UBE2W: variants seen among roughly 807,000 people sequenced by gnomAD.
UBE2W encodes the protein ubiquitin conjugating enzyme E2 W.
Under a neutral mutation model 27.2 loss-of-function variants are expected in UBE2W, and 18 were observed. The observed-to-expected ratio is 0.66, with a 90% CI of 0.46 to 0.98. The LOEUF (loss-of-function observed/expected upper bound fraction) is 0.98, where lower values mean the gene tolerates loss of function less well. Ranked by LOEUF, UBE2W falls within the 50% of genes least tolerant of loss-of-function variation. The pLI, the probability that UBE2W is intolerant of heterozygous loss-of-function variation, is 0.00. For synonymous variants in UBE2W, 53 were observed against 57.2 expected (o/e 0.93, Z 0.33); for missense variants, 90 against 180.2 (o/e 0.50, Z 2.87).
chr8:73,780,550 T>G (rs1445173335), intron 4 of UBE2W: 2 of 449,866 alleles, frequency 4.4e-6, no homozygotes, highest in African/African-American at 2.0e-5. Context: ...TATTTATTTT[T>G]TGAGACAGTA....
At chr8:73,840,652 C>T (rs1361618682) in intron 1 of UBE2W, among the ~76,000 whole-genome samples, 1 of 152,118 alleles carries the variant, frequency 6.6e-6, no homozygotes, top group Non-Finnish European at 1.5e-5. Flanking sequence ...CTTCTGTATC[C>T]TCAGGAGCTT....
At chr8:73,785,825 C>G (rs556188238), downstream of UBE2W, among the ~76,000 whole-genome samples, 5 of 152,294 alleles carry the variant, frequency 3.3e-5, no homozygotes, top group South Asian at 1.0e-3. Flanking sequence ...ACGTGATCCA[C>G]CTGCCCAAAG....
In UBE2W at chr8:73,789,790, A is replaced by G. The variant is rs1226616113; in HGVS notation, c.*4312T>C. ...GAGGTGGAGATTGAAATGAGCCAAG[A>G]TCGTGCACTGCACTAAAGCCCGGGT... On this transcript the variant is annotated 3_prime_UTR_variant, in exon 6 of 6. Transcript: ENST00000602593. 1.9e-6 allele frequency: 1 copy of G among 524,438 alleles called. No individual in the cohort carries two copies. The highest frequency in any genetic ancestry group is 2.4e-6 in the Non-Finnish European group (1 of 409,070). The allele number at this position is 524,438 out of a possible 1,614,324, so 32.5% of individuals were successfully genotyped here.
chr8:73,805,472 C>CAAAACAAAAAAAAAAAAAAAAAAAAA (rs1554579998), intron 5 of UBE2W, among the ~76,000 whole-genome samples, 179 bp downstream of exon 5: 3 of 43,676 alleles, frequency 6.9e-5, no homozygotes, highest in Non-Finnish European at 9.9e-5. Context: ...AAAAAAAAAA[C>CAAAACAAAAAAAAAAAAAAAAAAAAA]AAAAAAAACT....
intron 5 of UBE2W, chr8:73,795,893 G>T: frequency 2.6e-6 from 1 of 385,998 alleles, no homozygotes; most frequent in Non-Finnish European, 3.5e-6. Flanking sequence ...ACCAGCCTAG[G>T]CAATACGGCA....
At chr8:73,863,578 T>TTA (rs1422657253) in intron 1 of UBE2W, among the ~76,000 whole-genome samples, 7 of 104,086 alleles carry the variant, frequency 6.7e-5, no homozygotes, top group African/African-American at 2.1e-4. Context: ...TAAAGTATAA[T>TTA]AAAAAAAAAA....
intron 4 of UBE2W, 51 bp from the exon 5 acceptor site, chr8:73,805,777 G>A: frequency 9.2e-7 from 1 of 1,085,880 alleles, no homozygotes; most frequent in Non-Finnish European, 1.3e-6. Flanking sequence ...AACTGAGAGG[G>A]TGACAGTTTT....
rs1808058511 is a variant in UBE2W at position 73,788,523 on chromosome 8, C to T, written c.*5579G>A. The T allele has an allele frequency of 2.0e-6, 2 of 985,266 alleles. No homozygotes were observed. The highest frequency in any genetic ancestry group is 2.4e-6 in the Non-Finnish European group (2 of 829,938). 61.0% of individuals were successfully genotyped at this position (985,266 alleles called of 1,614,324 possible). ...GACCACCAATTTGCCTTTACATAAACAATCTGTGGTTAACTATGAAAAGAT... is the reference window on the plus strand; with the variant it reads ...GACCACCAATTTGCCTTTACATAAATAATCTGTGGTTAACTATGAAAAGAT... On this transcript the variant is annotated 3_prime_UTR_variant, in exon 6 of 6. Transcript: ENST00000602593.
intron 1 of UBE2W, among the ~76,000 whole-genome samples, chr8:73,852,502 A>G (rs1811122351): frequency 6.6e-6 from 1 of 151,702 alleles, no homozygotes; most frequent in African/African-American, 2.4e-5. Context: ...ATTTCATGCC[A>G]TAGATGAAAA....
chr8:73,829,588 T>C (rs11327425), intron 2 of UBE2W, among the ~76,000 whole-genome samples: 12 of 141,822 alleles, frequency 8.5e-5, no homozygotes, highest in African/African-American at 1.8e-4. Context: ...TTTTTTTTTT[T>C]CCAAAAGAGT....
At chr8:73,805,472 C>CAAAAAAAAAACAAAAAAAAAAAAAA in intron 5 of UBE2W, among the ~76,000 whole-genome samples, 179 bp downstream of exon 5, 2 of 43,676 alleles carry the variant, frequency 4.6e-5, no homozygotes, top group African/African-American at 6.0e-5. Context: ...AAAAAAAAAA[C>CAAAAAAAAAACAAAAAAAAAAAAAA]AAAAAAAACT....
At chr8:73,828,181 T>C (rs376781116) in intron 2 of UBE2W, among the ~76,000 whole-genome samples, 2 of 152,332 alleles carry the variant, frequency 1.3e-5, no homozygotes, top group East Asian at 3.9e-4. Context: ...TAGTACTCTG[T>C]AATTCTAATG....
chr8:73,819,806 G>A (rs546609741), intron 3 of UBE2W, among the ~76,000 whole-genome samples: 3 of 152,226 alleles, frequency 2.0e-5, no homozygotes, highest in Admixed American at 1.3e-4. Context: ...CTGGCAGGAA[G>A]AAAAACACAA....
intron 3 of UBE2W, among the ~76,000 whole-genome samples, chr8:73,816,268 C>T (rs887753037): frequency 6.6e-6 from 1 of 152,194 alleles, no homozygotes; most frequent in African/African-American, 2.4e-5. Context: ...CTCTATCTTC[C>T]TTCCCCTTGA....
intron 1 of UBE2W, among the ~76,000 whole-genome samples, chr8:73,840,721 C>A (rs955496437): frequency 1.3e-5 from 2 of 152,166 alleles, no homozygotes; most frequent in Non-Finnish European, 2.9e-5. Flanking sequence ...GCTGAACCCG[C>A]ATACAGGTAA....
In UBE2W at chr8:73,787,295, A is replaced by C. The variant is rs1807995477; in HGVS notation, c.*6807T>G. 2.7e-5 allele frequency: 27 copies of C among 985,450 alleles called. No individual in the cohort carries two copies. Among genetic ancestry groups the C allele is most frequent in the Non-Finnish European group, 3.0e-5 (25 of 829,938 alleles). 61.0% of individuals were successfully genotyped at this position (985,450 alleles called of 1,614,324 possible). On this transcript the variant is annotated 3_prime_UTR_variant, in exon 6 of 6. Coordinates refer to ENST00000602593, the MANE Select transcript of UBE2W (RefSeq NM_018299.6). ...AATTTAGCTTATGTTTAATTTTGTT[A>C]CGTGTTATGTTAGTGTGAAAATGAG...
intron 4 of UBE2W, chr8:73,780,571 T>A (rs1017504329): frequency 1.6e-5 from 7 of 443,798 alleles, no homozygotes; most frequent in African/African-American, 1.4e-4. Flanking sequence ...TGTCACTCTA[T>A]CTCCAGGCTG....
Position 73,829,535 on chromosome 8 carries a change from A to G in UBE2W, c.107+846T>C, listed in dbSNP as rs887898795. 3.3e-5 allele frequency among the ~76,000 whole-genome samples: 5 copies of G among 151,710 alleles called. No homozygotes were observed. The East Asian group carries it at 9.7e-4, about 29-fold the overall frequency. ...AAAAATCAGTTTAGAACTCAACAAT[A>G]TTTTTAAGTGATTGTTACAGAGTTA... On this transcript the variant is annotated intron_variant, in intron 2 of 5. Coordinates refer to ENST00000602593, the MANE Select transcript of UBE2W (RefSeq NM_018299.6).
intron 5 of UBE2W, chr8:73,795,734 A>C (rs1298275050): frequency 1.1e-6 from 1 of 939,444 alleles, no homozygotes; most frequent in Non-Finnish European, 1.3e-6. Context: ...CCTTAAAATA[A>C]ATAAGAATAG....
Sources: gnomAD v4.1 joint callset for allele counts (sites outside exome capture counted in the v4.1 genomes callset) on GRCh38, gnomAD v4.1.1 for gene constraint, MANE v1.5 for transcripts, NCBI Gene and HGNC (gene_info 2026-07-23, HGNC 2026-07-21) for gene names.